The following PCDHA13 variants were observed in gnomAD, a reference collection of about 807,000 sequenced individuals.
PCDHA13 encodes protocadherin alpha 13.
In PCDHA13, 54 loss-of-function variants were observed where a neutral mutation model predicts 64.8. The observed-to-expected ratio is 0.83, with a 90% CI of 0.67 to 1.04. The LOEUF (loss-of-function observed/expected upper bound fraction) is 1.04, where lower values mean the gene tolerates loss of function less well. PCDHA13 is among the 50% of genes least tolerant of loss of function. The pLI, the probability that PCDHA13 is intolerant of heterozygous loss-of-function variation, is 0.00. For missense variants in PCDHA13, 1,248 were observed against 1,254.3 expected (o/e 0.99, Z 0.08); for synonymous variants, 587 against 564.4 (o/e 1.04, Z -0.57).
intron 1 of PCDHA13, chr5:140,927,314 C>G: frequency 6.2e-7 from 1 of 1,614,194 alleles, no homozygotes; most frequent in East Asian, 2.2e-5. Flanking sequence ...ACGCCCGGAG[C>G]CCGCTTTACT....
At position 140,929,511 on chromosome 5, in the gene PCDHA13, G is replaced by A. The variant is rs113234119; in HGVS notation, c.2394+44849G>A. On this transcript the variant is annotated intron_variant, in intron 1 of 3. Coordinates refer to ENST00000289272, the MANE Select transcript of PCDHA13 (RefSeq NM_018904.3). ...TTAGAAGATTGCCCTAGGCCTCAAG[G>A]GACTTATAGTTTATTTTTGAGAAAC... 1,947 of 781,082 alleles carry A rather than the reference G, an allele frequency of 2.5e-3. 24 individuals carry two copies. The African/African-American group carries it at 0.032, about 13-fold the overall frequency. 48.4% of individuals were successfully genotyped at this position (781,082 alleles called of 1,614,324 possible).
intron 3 of PCDHA13, among the ~76,000 whole-genome samples, chr5:140,999,088 G>A (rs1429141341): frequency 1.3e-5 from 2 of 152,274 alleles, no homozygotes; most frequent in African/African-American, 4.8e-5. Flanking sequence ...TCCTTCAGAG[G>A]GCTATGGAGA....
chr5:140,963,895 T>C (rs1331133094), intron 1 of PCDHA13, among the ~76,000 whole-genome samples: 2 of 152,224 alleles, frequency 1.3e-5, no homozygotes, highest in Non-Finnish European at 2.9e-5. Flanking sequence ...TTAATTAAAA[T>C]GAGTAAAGTG....
chr5:140,904,098 A>G (rs184234910), intron 1 of PCDHA13, among the ~76,000 whole-genome samples: 35 of 152,296 alleles, frequency 2.3e-4, no homozygotes, highest in African/African-American at 7.9e-4. Context: ...TAACTACTTT[A>G]GTGGTCATTG....
At chr5:140,991,078 A>T (rs1378051907) in intron 3 of PCDHA13, among the ~76,000 whole-genome samples, 1 of 152,188 alleles carries the variant, frequency 6.6e-6, no homozygotes, top group Non-Finnish European at 1.5e-5. Context: ...TGTTTCAGAT[A>T]AAAAAATTAA....
Position 140,968,052 on chromosome 5 carries a change from G to A in PCDHA13, c.2395-10897G>A, listed in dbSNP as rs990784546. ...CTGGTGGTGAGCGGCCCACTGGACC[G>A]AGAGCGGGTGGCTGTCTACAACATC... On this transcript the variant is annotated intron_variant, in intron 1 of 3. Transcript: ENST00000289272. The A allele has an allele frequency of 5.0e-6, 8 of 1,614,014 alleles. No homozygotes were observed. In the Admixed American group the frequency reaches 5.0e-5, roughly 10 times the overall value.
chr5:140,967,927 C>T (rs782426020), intron 1 of PCDHA13: 3 of 1,614,228 alleles, frequency 1.9e-6, no homozygotes, highest in Non-Finnish European at 2.5e-6. Context: ...TGGCCGTTCT[C>T]AGTGTCAATG....
chr5:140,899,464 T>A (rs1357482231), intron 1 of PCDHA13, among the ~76,000 whole-genome samples: 22 of 152,226 alleles, frequency 1.4e-4, no homozygotes, highest in Admixed American at 2.0e-4. Context: ...GGTTTTTGTC[T>A]TTGGTTCTGT....
chr5:140,966,658 G>A (rs887585622), intron 1 of PCDHA13: 5 of 1,212,426 alleles, frequency 4.1e-6, no homozygotes, highest in Admixed American at 3.9e-5. Flanking sequence ...GAGCGGTGGG[G>A]GAGCAGGCGC....
rs543899552 is a variant in PCDHA13 at position 140,891,287 on chromosome 5, A to T, written c.2394+6625A>T. ...AATTTTTCCGTAAGTTATTGGGGGT[A>T]CAGGTGGTATTTGATTACATGAGTA... is the stretch of plus-strand genomic sequence containing the variant. On this transcript the variant is annotated intron_variant, in intron 1 of 3. Transcript: ENST00000289272. 3.9e-5 allele frequency among the ~76,000 whole-genome samples: 6 copies of T among 152,176 alleles called. No individual in the cohort carries two copies. In the South Asian group the frequency reaches 6.2e-4, roughly 16 times the overall value.
intron 1 of PCDHA13, among the ~76,000 whole-genome samples, chr5:140,922,711 A>G (rs2080951866): frequency 6.6e-6 from 1 of 152,270 alleles, no homozygotes; most frequent in Non-Finnish European, 1.5e-5. Flanking sequence ...GTCAAGAACA[A>G]AAAGAAACAC....
chr5:140,939,283 GATCTAATC>G lies in PCDHA13; in HGVS notation c.2395-39661_2395-39654del, dbSNP rs1257109202. ...TCTTTTATGAGAGCTGTGCCCTCGT[GATCTAATC>G]ATCTCTACAAAAGCCCTACCTCCTA... On this transcript the variant is annotated intron_variant, in intron 1 of 3. Coordinates refer to ENST00000289272, the MANE Select transcript of PCDHA13 (RefSeq NM_018904.3). Among the ~76,000 whole-genome samples the G allele has an allele frequency of 2.0e-5, 3 of 152,184 alleles. No homozygotes were observed. In the East Asian group the frequency reaches 5.8e-4, roughly 29 times the overall value.
intron 1 of PCDHA13, among the ~76,000 whole-genome samples, chr5:140,916,438 A>G (rs975528805): frequency 4.6e-5 from 7 of 152,234 alleles, no homozygotes; most frequent in Admixed American, 4.6e-4. Flanking sequence ...TAAGGCCCAC[A>G]GTATACTACC....
At chr5:140,937,332 C>A (rs1003482242) in intron 1 of PCDHA13, among the ~76,000 whole-genome samples, 1 of 152,094 alleles carries the variant, frequency 6.6e-6, no homozygotes, top group Non-Finnish European at 1.5e-5. Flanking sequence ...CCACCGCGCC[C>A]GGCTTCTTCC....
chr5:140,989,237 A>C (rs2097333860), intron 3 of PCDHA13, among the ~76,000 whole-genome samples: 1 of 152,172 alleles, frequency 6.6e-6, no homozygotes, highest in African/African-American at 2.4e-5. Flanking sequence ...CTGAAGTTTT[A>C]AGCCCCTTGT....
In PCDHA13 at chr5:141,010,434, A is replaced by G; in HGVS notation, c.*497A>G. 9.7e-7 allele frequency: 1 copy of G among 1,031,156 alleles called. No homozygotes were observed. Among genetic ancestry groups the G allele is most frequent in the Non-Finnish European group, 1.4e-6 (1 of 732,962 alleles). 63.9% of individuals were successfully genotyped at this position (1,031,156 alleles called of 1,614,324 possible). A position where few individuals can be genotyped will look rare whatever the true frequency, so the allele number is the denominator to read the frequency against. ...TTGGTACAAGGAAGGCAAGAAAACA[A>G]AGACAAATAAACAGCGGAAGTTATC... On this transcript the variant is annotated 3_prime_UTR_variant, in exon 4 of 4. Transcript: ENST00000289272.
At chr5:140,972,276 A>G (rs1471308188) in intron 1 of PCDHA13, among the ~76,000 whole-genome samples, 1 of 150,442 alleles carries the variant, frequency 6.6e-6, no homozygotes, top group Non-Finnish European at 1.5e-5. Flanking sequence ...AGTAGCTTGG[A>G]CCATAGATGT....
chr5:140,925,124 A>AGG (rs1554202565), intron 1 of PCDHA13, among the ~76,000 whole-genome samples: 1 of 151,856 alleles, frequency 6.6e-6, no homozygotes, highest in African/African-American at 2.4e-5. Flanking sequence ...GAAGGAAGGA[A>AGG]AAAAAATTTC....
intron 1 of PCDHA13, among the ~76,000 whole-genome samples, chr5:140,921,809 C>CA (rs1184598188): frequency 6.6e-6 from 1 of 151,940 alleles, no homozygotes; most frequent in Non-Finnish European, 1.5e-5. Context: ...AGATAAGATA[C>CA]ATGTGTGAAT....
Sources: allele counts gnomAD v4.1 joint callset (sites outside exome capture counted in the v4.1 genomes callset), GRCh38; gene constraint gnomAD v4.1.1; transcripts MANE v1.5; gene names NCBI Gene and HGNC (gene_info 2026-07-23, HGNC 2026-07-21).